Variants in HIRA observed in about 807,000 individuals in gnomAD.
HIRA encodes the protein protein HIRA.
Under a neutral mutation model 126.6 loss-of-function variants are expected in HIRA, and 13 were observed. The observed-to-expected ratio is 0.10, with a 90% CI of 0.07 to 0.16. The LOEUF is 0.16. Ranked by LOEUF, HIRA falls within the 10% of genes least tolerant of loss-of-function variation. The pLI, the probability that HIRA is intolerant of heterozygous loss-of-function variation, is 1.00. For missense variants in HIRA, 834 were observed against 1,314.4 expected (o/e 0.63, Z 5.65); for synonymous variants, 511 against 520.0 (o/e 0.98, Z 0.24).
intron 11 of HIRA, 62 bp downstream of exon 11, chr22:19,387,649 C>T: frequency 8.1e-7 from 1 of 1,230,390 alleles, no homozygotes; most frequent in Non-Finnish European, 1.2e-6. Flanking sequence ...TCAAAGGGGT[C>T]TCTCAGAGCT....
chr22:19,391,201 G>C (rs1003721902), intron 9 of HIRA, among the ~76,000 whole-genome samples: 5 of 152,096 alleles, frequency 3.3e-5, no homozygotes, highest in Admixed American at 6.6e-5. Flanking sequence ...CAACATACAC[G>C]AATCTCAAAA....
At position 19,424,737 on chromosome 22, in the gene HIRA, CA is replaced by C. The variant is rs549273242; in HGVS notation, c.37+6702del. On this transcript the variant is annotated intron_variant, in intron 1 of 24. Coordinates refer to ENST00000263208, the MANE Select transcript of HIRA (RefSeq NM_003325.4). ...ATCACATCTAGTGGAATCTTGGTGC[CA>C]GGGGGTCACCTCATCTCACTCAGCC... Among the ~76,000 whole-genome samples, 14 of 152,280 alleles carry C rather than the reference CA, an allele frequency of 9.2e-5. No individual in the cohort carries two copies. In the East Asian group the frequency reaches 2.3e-3, roughly 25 times the overall value.
chr22:19,399,978 C>A (rs2089254435), intron 5 of HIRA, among the ~76,000 whole-genome samples: 1 of 152,110 alleles, frequency 6.6e-6, no homozygotes, highest in South Asian at 2.1e-4. Flanking sequence ...TGGAGGGGCA[C>A]ACATGCAAAC....
Position 19,353,524 on chromosome 22 carries a change from A to C in HIRA, c.2685-5T>G. On this transcript the variant is annotated splice_polypyrimidine_tract_variant and splice_region_variant and intron_variant, in intron 22 of 24. Coordinates refer to ENST00000263208, the MANE Select transcript of HIRA (RefSeq NM_003325.4). Reference sequence around the variant, plus strand: ...CGGGCAGCCTGCCTTCCCGAGCTGCAGAGACCAGGAGAGTTTCCATGATGG... The same window carrying C: ...CGGGCAGCCTGCCTTCCCGAGCTGCCGAGACCAGGAGAGTTTCCATGATGG... 6.3e-7 allele frequency: 1 copy of C among 1,592,748 alleles called. No individual in the cohort carries two copies. The highest frequency in any genetic ancestry group is 1.1e-5 in the South Asian group (1 of 88,380).
chr22:19,375,029 G>A (rs952500946), intron 15 of HIRA, among the ~76,000 whole-genome samples: 1 of 152,198 alleles, frequency 6.6e-6, no homozygotes, highest in Non-Finnish European at 1.5e-5. Context: ...GCAGACATTC[G>A]CTCTGGCCAC....
At chr22:19,409,434 C>A (rs1354124243) in intron 2 of HIRA, among the ~76,000 whole-genome samples, 1 of 152,072 alleles carries the variant, frequency 6.6e-6, no homozygotes, top group East Asian at 1.9e-4. Flanking sequence ...CAGGCGAACA[C>A]CATGACACCT....
At chr22:19,426,066 A>C (rs1345050788) in intron 1 of HIRA, among the ~76,000 whole-genome samples, 3 of 152,274 alleles carry the variant, frequency 2.0e-5, no homozygotes, top group Non-Finnish European at 4.4e-5. Flanking sequence ...AGAGTGGCCC[A>C]AATCTACAGT....
chr22:19,389,569 G>T (rs1402205961), intron 9 of HIRA, among the ~76,000 whole-genome samples: 1 of 152,066 alleles, frequency 6.6e-6, no homozygotes, highest in Non-Finnish European at 1.5e-5. Context: ...AAGTCTGAAC[G>T]ATCTGGAACC....
intron 5 of HIRA, among the ~76,000 whole-genome samples, chr22:19,404,183 C>T (rs1400877425): frequency 6.6e-6 from 1 of 152,122 alleles, no homozygotes; most frequent in Non-Finnish European, 1.5e-5. Flanking sequence ...TTTACTTCTG[C>T]TTTTCATTGA....
chr22:19,361,283 G>A lies in HIRA; in HGVS notation c.2039C>T (p.Ala680Val). The A allele has an allele frequency of 6.2e-7, 1 of 1,614,244 alleles. No homozygotes were observed. Residue 680 changes from alanine to valine, a missense_variant, in exon 17 of 25, where the codon GCA becomes GTA. Ala to Val is a moderately conservative substitution (Grantham distance 64). Coordinates refer to ENST00000263208, the MANE Select transcript of HIRA (RefSeq NM_003325.4). ...EAMCLSAPAL[A>V]LKLPIPSPQR... Reference sequence around the variant, plus strand: ...GGGGCTTGGAATTGGCAGCTTCAGTGCAAGTGCTGGTGCAGACAGACACAT... The same window carrying A: ...GGGGCTTGGAATTGGCAGCTTCAGTACAAGTGCTGGTGCAGACAGACACAT...
chr22:19,346,948 T>G (rs1556009048), intron 24 of HIRA, among the ~76,000 whole-genome samples: 2 of 152,224 alleles, frequency 1.3e-5, no homozygotes, highest in African/African-American at 2.4e-5. Flanking sequence ...GAAGAAATCA[T>G]GGCCATCAAA....
intron 13 of HIRA, among the ~76,000 whole-genome samples, chr22:19,379,146 GC>G (rs1038991121): frequency 6.6e-6 from 1 of 151,428 alleles, no homozygotes; most frequent in East Asian, 2.0e-4. Flanking sequence ...TCCTGCCTCA[GC>G]CTCCCGAGTA....
At chr22:19,361,052 T>C (rs538059691) in intron 17 of HIRA, among the ~76,000 whole-genome samples, 185 bp downstream of exon 17, 1 of 152,066 alleles carries the variant, frequency 6.6e-6, no homozygotes, top group East Asian at 1.9e-4. Context: ...TGAGTGAGAG[T>C]GGAGGCTGGC....
intron 19 of HIRA, 106 bp downstream of exon 19, chr22:19,356,784 T>G (rs564388898): frequency 6.8e-5 from 79 of 1,162,532 alleles, no homozygotes; most frequent in Non-Finnish European, 8.5e-5. Flanking sequence ...TGGGGCCTGA[T>G]GGCCAGCCTT....
At chr22:19,406,798 G>A (rs2089311583) in intron 4 of HIRA, among the ~76,000 whole-genome samples, 1 of 152,230 alleles carries the variant, frequency 6.6e-6, no homozygotes, top group Admixed American at 6.5e-5. Context: ...ATAAAGTAAT[G>A]GCAAAGAGGC....
At chr22:19,402,477 C>T (rs1162951856) in intron 5 of HIRA, among the ~76,000 whole-genome samples, 3 of 152,106 alleles carry the variant, frequency 2.0e-5, no homozygotes, top group African/African-American at 7.2e-5. Context: ...TTCTAATTGG[C>T]TATTAGTAGC....
rs111371988 is a variant in HIRA at position 19,355,874 on chromosome 22, A to G, written c.2456-9T>C. 8 of 1,593,072 alleles carry G rather than the reference A, an allele frequency of 5.0e-6. No individual in the cohort carries two copies. The highest frequency in any genetic ancestry group is 1.7e-4 in the Middle Eastern group (1 of 6,026). ...TACCGTCATATCACTTCCTGAGGAC[A>G]GCATGGGAATGAGTTCTGGGTGTGC... On this transcript the variant is annotated splice_polypyrimidine_tract_variant and intron_variant, in intron 20 of 24. Transcript: ENST00000263208.
Position 19,355,843 on chromosome 22 carries a change from C to T in HIRA, c.2478G>A (p.Gln826=). Residue 826 remains glutamine, a synonymous_variant, in exon 21 of 25, where the codon CAG becomes CAA. Coordinates refer to ENST00000263208, the MANE Select transcript of HIRA (RefSeq NM_003325.4). The part of the protein sequence containing the change: ...ILAGSDMTVS[Q]ILLTQHGIPV... The stretch of plus-strand genomic sequence containing the variant: ...GGATTCCATGCTGCGTCAGCAAGAT[C>T]TGTGATACCGTCATATCACTTCCTG... The T allele has an allele frequency of 2.5e-6, 4 of 1,613,448 alleles. No homozygotes were observed. Among genetic ancestry groups the T allele is most frequent in the Non-Finnish European group, 3.4e-6 (4 of 1,179,392 alleles).
chr22:19,357,117 G>A, intron 18 of HIRA, 66 bp from the exon 19 acceptor site: 1 of 1,571,328 alleles, frequency 6.4e-7, no homozygotes, highest in Non-Finnish European at 8.7e-7. Flanking sequence ...AGTAGCCCTG[G>A]AAGTGTGGGC....
Sources: allele counts gnomAD v4.1 joint callset (sites outside exome capture counted in the v4.1 genomes callset), GRCh38; gene constraint gnomAD v4.1.1; transcripts MANE v1.5; gene names NCBI Gene and HGNC (gene_info 2026-07-23, HGNC 2026-07-21).